IL1RAPL1: variants seen among roughly 807,000 people sequenced by gnomAD.
IL1RAPL1 encodes the protein interleukin-1 receptor accessory protein-like 1.
Under a neutral mutation model 48.4 loss-of-function variants are expected in IL1RAPL1, and 3 were observed. That is an observed-to-expected ratio of 0.06 (90% CI 0.03 to 0.16). The LOEUF (loss-of-function observed/expected upper bound fraction) is 0.16. IL1RAPL1 is among the 10% of genes least tolerant of loss of function. The pLI is 1.00. For synonymous variants in IL1RAPL1, 185 were observed against 187.7 expected (o/e 0.99, Z 0.12); for missense variants, 349 against 530.6 (o/e 0.66, Z 3.36).
chrX:29,082,023 T>C (rs1051850209), intron 2 of IL1RAPL1, among the ~76,000 whole-genome samples: 2 of 111,639 alleles, frequency 1.8e-5, no homozygotes, highest in African/African-American at 6.5e-5. Context: ...ATATATCTTA[T>C]AGAGAAACTC....
In IL1RAPL1 at chrX:29,225,928, C is replaced by T. The variant is rs192722057; in HGVS notation, c.83-57010C>T. 2.2e-3 allele frequency among the ~76,000 whole-genome samples: 250 copies of T among 111,342 alleles called. 1 individual carries two copies. Among genetic ancestry groups the T allele is most frequent in the African/African-American group, 7.7e-3 (235 of 30,640 alleles). ...CTCTACAAAAAAGGAGGTAATAGGC[C>T]TATCTATAGTCAGAAAGAAGCTTGT... On this transcript the variant is annotated intron_variant, in intron 2 of 10. Transcript: ENST00000378993.
At chrX:29,802,747 TTA>T (rs1210417673) in intron 6 of IL1RAPL1, among the ~76,000 whole-genome samples, 1,933 of 36,175 alleles carry the variant, frequency 0.053, 38 homozygotes, top group Middle Eastern at 0.12. Flanking sequence ...GAGGAAAAAA[TTA>T]TATATATATA....
chrX:29,138,449 C>T (rs1311333006), intron 2 of IL1RAPL1, among the ~76,000 whole-genome samples: 1 of 111,082 alleles, frequency 9.0e-6, no homozygotes, highest in Non-Finnish European at 1.9e-5. Context: ...CATACAGTAA[C>T]TCAATAATAC....
chrX:28,953,244 G>A, intron 2 of IL1RAPL1, among the ~76,000 whole-genome samples: 1 of 111,059 alleles, frequency 9.0e-6, no homozygotes, highest in Non-Finnish European at 1.9e-5. Context: ...GTCTAAAAAC[G>A]CTACATAATT....
At chrX:29,208,353 AGTACTGG>A (rs1476531814) in intron 2 of IL1RAPL1, among the ~76,000 whole-genome samples, 1 of 111,812 alleles carries the variant, frequency 8.9e-6, no homozygotes, top group Non-Finnish European at 1.9e-5. Context: ...AGCGAGAAAC[AGTACTGG>A]GCCTAAAGAG....
chrX:28,608,102 G>C (rs1934106596), intron 1 of IL1RAPL1, among the ~76,000 whole-genome samples: 1 of 111,698 alleles, frequency 9.0e-6, no homozygotes, highest in African/African-American at 3.3e-5. Flanking sequence ...TCCCACTATA[G>C]TGGATCATAA....
chrX:29,165,993 G>A (rs978937205), intron 2 of IL1RAPL1, among the ~76,000 whole-genome samples: 3 of 112,596 alleles, frequency 2.7e-5, no homozygotes, highest in African/African-American at 9.7e-5. Flanking sequence ...GTAGTATTTA[G>A]TCATGCAACA....
chrX:29,346,040 G>T (rs1343374716), intron 3 of IL1RAPL1, among the ~76,000 whole-genome samples: 3 of 111,699 alleles, frequency 2.7e-5, no homozygotes, highest in African/African-American at 6.5e-5. Flanking sequence ...TCAGTTCTTC[G>T]ATTTGAAGCC....
chrX:29,071,783 A>C (rs907977641), intron 2 of IL1RAPL1, among the ~76,000 whole-genome samples: 1 of 111,980 alleles, frequency 8.9e-6, no homozygotes, highest in South Asian at 3.7e-4. Context: ...ATGCTGATTT[A>C]TCAGAGTTGG....
At chrX:29,436,747 G>A in intron 5 of IL1RAPL1, among the ~76,000 whole-genome samples, 1 of 110,547 alleles carries the variant, frequency 9.0e-6, no homozygotes, top group Non-Finnish European at 1.9e-5. Flanking sequence ...TGAAGGCAAA[G>A]TCAAAAATAA....
chrX:29,084,939 T>G (rs1227178780), intron 2 of IL1RAPL1, among the ~76,000 whole-genome samples: 1 of 112,090 alleles, frequency 8.9e-6, no homozygotes, highest in East Asian at 2.8e-4. Context: ...GTGATCCACC[T>G]GCCTCGGCCT....
chrX:29,052,979 A>G (rs1309667659), intron 2 of IL1RAPL1, among the ~76,000 whole-genome samples: 2 of 111,719 alleles, frequency 1.8e-5, no homozygotes, highest in East Asian at 2.8e-4. Context: ...TCACCCAGGT[A>G]TTAAGCCCAC....
intron 2 of IL1RAPL1, among the ~76,000 whole-genome samples, chrX:29,091,909 A>G (rs1296890345): frequency 1.8e-5 from 2 of 111,315 alleles, no homozygotes; most frequent in Non-Finnish European, 1.9e-5. Context: ...ATTGGGAGGC[A>G]TTTTCCCCTG....
intron 5 of IL1RAPL1, among the ~76,000 whole-genome samples, chrX:29,419,979 T>C (rs1318473227): frequency 9.0e-6 from 1 of 111,507 alleles, no homozygotes; most frequent in Non-Finnish European, 1.9e-5. Context: ...TATCAATGAG[T>C]ATAAGGGAAG....
intron 5 of IL1RAPL1, among the ~76,000 whole-genome samples, chrX:29,546,698 G>A (rs1185088311): frequency 9.0e-6 from 1 of 111,418 alleles, no homozygotes; most frequent in African/African-American, 3.3e-5. Context: ...CACCTTCAGA[G>A]TAACTGAAGG....
Position 29,499,211 on chromosome X carries a change from G to A in IL1RAPL1, c.703+99903G>A, listed in dbSNP as rs1025282434. On this transcript the variant is annotated intron_variant, in intron 5 of 10. Coordinates refer to ENST00000378993, the MANE Select transcript of IL1RAPL1 (RefSeq NM_014271.4). ...ATCTGGGAGGATTTGAATATTGTTT[G>A]AGTGTTGGCCAGTCTACTGACAGAT... Among the ~76,000 whole-genome samples the A allele has an allele frequency of 3.6e-5, 4 of 111,954 alleles. No homozygotes were observed. In the Admixed American group the frequency reaches 3.8e-4, roughly 11 times the overall value.
chrX:28,738,437 A>T (rs764029941), intron 1 of IL1RAPL1, among the ~76,000 whole-genome samples: 6 of 111,860 alleles, frequency 5.4e-5, no homozygotes, highest in African/African-American at 1.9e-4. Flanking sequence ...AGATCAGTGG[A>T]TGATAAGCAC....
At chrX:29,426,030 A>C (rs1258911037) in intron 5 of IL1RAPL1, among the ~76,000 whole-genome samples, 1 of 111,471 alleles carries the variant, frequency 9.0e-6, no homozygotes, top group East Asian at 2.8e-4. Flanking sequence ...TACTTCTATA[A>C]ATCACAGCTA....
chrX:29,870,993 CAAGGT>C (rs1371428531), intron 6 of IL1RAPL1, among the ~76,000 whole-genome samples: 1 of 112,422 alleles, frequency 8.9e-6, no homozygotes, highest in Non-Finnish European at 1.9e-5. Flanking sequence ...AGAACAAACT[CAAGGT>C]GAGGCTGAAC....
Sources: gnomAD v4.1 joint callset for allele counts (sites outside exome capture counted in the v4.1 genomes callset) on GRCh38, gnomAD v4.1.1 for gene constraint, MANE v1.5 for transcripts, NCBI Gene and HGNC (gene_info 2026-07-23, HGNC 2026-07-21) for gene names.